Variants in FAM151A observed in about 807,000 individuals in gnomAD.
FAM151A encodes protein FAM151A.
In FAM151A, 41 loss-of-function variants were observed where a neutral mutation model predicts 40.4. The ratio of observed to expected loss-of-function variants is 1.01; its 90% CI spans 0.79 to 1.32. The LOEUF is 1.32. FAM151A is among the 40% of genes most tolerant of loss of function. The pLI, the probability that FAM151A is intolerant of heterozygous loss-of-function variation, is 0.00. For missense variants in FAM151A, 740 were observed against 740.4 expected (o/e 1.00, Z 0.01); for synonymous variants, 337 against 312.5 (o/e 1.08, Z -0.83).
rs1177425230 is a variant in FAM151A, at chr1:54,616,103, G to A, written c.332C>T (p.Pro111Leu). The change falls in exon 3 of 8, where the codon CCC becomes CTC. Residue 111 changes from proline to leucine, a missense_variant. By Grantham distance (98) the Pro-to-Leu change is moderately conservative. Coordinates refer to ENST00000302250, the MANE Select transcript of FAM151A (RefSeq NM_176782.3). Reference sequence around the variant, plus strand: ...GATAGTGGGGGGGTGTGCCATGATGGGAACTCCTGTCTCATTGGCTGTGCC... The same window carrying A: ...GATAGTGGGGGGGTGTGCCATGATGAGAACTCCTGTCTCATTGGCTGTGCC... Reference protein sequence around the residue: ...GLGTANETGVPIMAHPPTIYS... With the variant: ...GLGTANETGVLIMAHPPTIYS... 1 of 1,614,094 alleles carries A rather than the reference G, an allele frequency of 6.2e-7. No homozygotes were observed. The highest frequency in any genetic ancestry group is 8.5e-7 in the Non-Finnish European group (1 of 1,180,008).
chr1:54,611,713 T>TC lies in FAM151A; in HGVS notation c.832dup (p.Asp278GlyfsTer14), dbSNP rs1347723297. 1.2e-6 allele frequency: 2 copies of TC among 1,614,030 alleles called. No homozygotes were observed. The highest frequency in any genetic ancestry group is 1.7e-6 in the Non-Finnish European group (2 of 1,179,978). ...GAGCAGATCTTCCACCGACATGGGG[T>TC]CCGAGGCAGCCTGCCACAGCGTCAG... On this transcript the variant is annotated frameshift_variant, in exon 6 of 8. Coordinates refer to ENST00000302250, the MANE Select transcript of FAM151A (RefSeq NM_176782.3). LOFTEE classifies it high-confidence loss of function.
At chr1:54,620,112 C>T in intron 1 of FAM151A, 105 bp from the exon 2 acceptor site, 1 of 1,230,458 alleles carries the variant, frequency 8.1e-7, no homozygotes. Flanking sequence ...TGTCCAGTAC[C>T]CCATCTGGCA....
chr1:54,612,684 T>C lies in FAM151A; in HGVS notation c.602A>G (p.Tyr201Cys). The C allele has an allele frequency of 1.9e-6, 3 of 1,613,938 alleles. No individual in the cohort carries two copies. Among genetic ancestry groups the C allele is most frequent in the Non-Finnish European group, 2.5e-6 (3 of 1,179,970 alleles). Residue 201 changes from tyrosine (Y) to cysteine (C), a missense_variant, in exon 5 of 8, where the codon TAT becomes TGT. Tyr to Cys is a radical substitution (Grantham distance 194). Transcript: ENST00000302250. The stretch of plus-strand genomic sequence containing the variant: ...GCCTGGAGATAGGGTAGCCTTGGGA[T>C]ACTTCTCCTGGACCAGGGCCAGGAA... ...TQFLALVQEK[Y>C]PKATLSPGWT...
At chr1:54,610,390 G>A (rs746927156) in intron 7 of FAM151A, 22 bp downstream of exon 7, 33 of 1,609,032 alleles carry the variant, frequency 2.1e-5, no homozygotes, top group Admixed American at 3.4e-5. Context: ...TGGGAGCACC[G>A]GGGCTGAAGG....
intron 4 of FAM151A, 30 bp from the exon 5 acceptor site, chr1:54,612,740 C>T (rs753371676): frequency 1.3e-5 from 21 of 1,577,924 alleles, no homozygotes; most frequent in African/African-American, 9.4e-5. Context: ...GTTGGTCTCA[C>T]GGAGCTGCAG....
intron 6 of FAM151A, chr1:54,610,978 G>T (rs138233165): frequency 1.0e-6 from 1 of 985,410 alleles, no homozygotes; most frequent in Non-Finnish European, 1.2e-6. Context: ...AAACATTAGA[G>T]TAACCAGCAG....
intron 1 of FAM151A, among the ~76,000 whole-genome samples, chr1:54,622,735 C>T (rs2317686): frequency 0.19 from 29,020 of 151,546 alleles, 3,019 homozygotes; most frequent in South Asian, 0.32. Context: ...GTGAAAACTC[C>T]GTCTCAAAAA....
At chr1:54,623,177 A>G (rs139262063) in intron 1 of FAM151A, 101 bp downstream of exon 1, 12 of 189,552 alleles carry the variant, frequency 6.3e-5, no homozygotes, top group Middle Eastern at 2.2e-3. Flanking sequence ...AACTCCGTCT[A>G]AAAAAAAAAA....
intron 2 of FAM151A, among the ~76,000 whole-genome samples, chr1:54,617,066 T>C (rs1644180297): frequency 6.6e-6 from 1 of 152,234 alleles, no homozygotes. Context: ...TTCTGATTCT[T>C]GTTCCTGCAC....
At chr1:54,621,252 T>C (rs1045728040) in intron 1 of FAM151A, among the ~76,000 whole-genome samples, 2 of 150,430 alleles carry the variant, frequency 1.3e-5, no homozygotes, top group African/African-American at 2.4e-5. Flanking sequence ...AGTTCAGGAG[T>C]TCACGATCAG....
At chr1:54,617,436 T>C (rs978560602) in intron 2 of FAM151A, among the ~76,000 whole-genome samples, 2 of 148,608 alleles carry the variant, frequency 1.3e-5, no homozygotes, top group Non-Finnish European at 3.0e-5. Context: ...GTCCTAAATA[T>C]GTACCTGATC....
intron 2 of FAM151A, 73 bp downstream of exon 2, chr1:54,619,791 G>A (rs1644210700): frequency 4.0e-6 from 6 of 1,506,670 alleles, no homozygotes; most frequent in Non-Finnish European, 5.5e-6. Context: ...ACCAGTGTCT[G>A]ATCCTCACTT....
chr1:54,610,007 T>C (rs1644098709), intron 7 of FAM151A, 66 bp from the exon 8 acceptor site: 1 of 1,524,812 alleles, frequency 6.6e-7, no homozygotes, highest in East Asian at 2.3e-5. Context: ...AAGAGTCCCT[T>C]GTTAAAGGGG....
intron 1 of FAM151A, chr1:54,621,544 T>G (rs1177782353): frequency 6.6e-6 from 1 of 152,208 alleles, no homozygotes; most frequent in East Asian, 1.9e-4. Flanking sequence ...CCTCGAACTT[T>G]AGCAAAGGAG....
rs748837133 is a variant in FAM151A at position 54,616,044 on chromosome 1, C to T, written c.391G>A (p.Ala131Thr). ...CCCTTTTGGGAAGAGCCCAGCACAG[C>T]GTCCAGCCACTGCTCCAGTGTGTTG... ...SDNTLEQWLD[A>T]VLGSSQKGIK... Residue 131 changes from alanine to threonine, a missense_variant, in exon 3 of 8, where the codon GCT becomes ACT. Transcript: ENST00000302250. 8.2e-5 allele frequency: 132 copies of T among 1,614,002 alleles called. 1 individual carries two copies. The South Asian group carries it at 1.2e-3, about 15-fold the overall frequency.
chr1:54,612,272 G>A (rs560449495), intron 5 of FAM151A, among the ~76,000 whole-genome samples: 1 of 151,954 alleles, frequency 6.6e-6, no homozygotes, highest in East Asian at 2.0e-4. Context: ...AGAGGGCAGA[G>A]AATTACCCAC....
Position 54,614,799 on chromosome 1 carries a change from T to C in FAM151A, c.476A>G (p.Gln159Arg), listed in dbSNP as rs762437734. Reference sequence around the variant, plus strand: ...CCGGACTTTGCCTTCCTCTGTCAGCTGCCGCAGGAGGTCCAGGGAGGGGCC... The same window carrying C: ...CCGGACTTTGCCTTCCTCTGTCAGCCGCCGCAGGAGGTCCAGGGAGGGGCC... ...AVGPSLDLLRQLTEEGKVRRP... is the reference protein window; with the variant it reads ...AVGPSLDLLRRLTEEGKVRRP... Residue 159 changes from glutamine (Q) to arginine (R), a missense_variant, in exon 4 of 8, where the codon CAG (glutamine) becomes CGG (arginine). Coordinates refer to ENST00000302250, the MANE Select transcript of FAM151A (RefSeq NM_176782.3). 1 of 1,614,180 alleles carries C rather than the reference T, an allele frequency of 6.2e-7. No homozygotes were observed. Among genetic ancestry groups the C allele is most frequent in the Admixed American group, 1.7e-5 (1 of 60,018 alleles).
chr1:54,623,523 T>C lies in FAM151A; in HGVS notation c.-128A>G, dbSNP rs1644251803. The C allele has an allele frequency of 1.5e-5, 11 of 716,106 alleles. No homozygotes were observed. The allele number at this position is 716,106 out of a possible 1,614,324, so 44.4% of individuals were successfully genotyped here. ...TAATTCTCCACCGGGCCTGGTCTGC[T>C]CTGCAGCCCTGTAATATCCCCTCTG... On this transcript the variant is annotated 5_prime_UTR_variant, in exon 1 of 8. Transcript: ENST00000302250.
At chr1:54,622,900 C>T (rs1184252420) in intron 1 of FAM151A, among the ~76,000 whole-genome samples, 1 of 151,918 alleles carries the variant, frequency 6.6e-6, no homozygotes, top group Non-Finnish European at 1.5e-5. Flanking sequence ...GTTGGCCAGG[C>T]ATGATGACTC....
Sources: allele counts gnomAD v4.1 joint callset (sites outside exome capture counted in the v4.1 genomes callset), GRCh38; gene constraint gnomAD v4.1.1; transcripts MANE v1.5; gene names NCBI Gene and HGNC (gene_info 2026-07-23, HGNC 2026-07-21).